ABCC1: variants seen among roughly 807,000 people sequenced by gnomAD.
The protein encoded by ABCC1 is multidrug resistance-associated protein 1.
In ABCC1, 83 loss-of-function variants were observed where a neutral mutation model predicts 172.9. The ratio of observed to expected loss-of-function variants is 0.48; its 90% CI spans 0.40 to 0.58. The LOEUF (loss-of-function observed/expected upper bound fraction) is 0.58. Among genes scored for constraint, ABCC1 ranks in the 20% least tolerant of loss-of-function variants. ABCC1 has a pLI of 0.00. For missense variants in ABCC1, 1,817 were observed against 2,002.7 expected, an observed-to-expected ratio of 0.91 and a Z score of 1.77; for synonymous variants, 937 against 825.2, an observed-to-expected ratio of 1.14 and a Z score of -2.32.
chr16:16,076,700 A>C (rs928165357), intron 15 of ABCC1, among the ~76,000 whole-genome samples: 1 of 152,156 alleles, frequency 6.6e-6, no homozygotes, highest in African/African-American at 2.4e-5. Flanking sequence ...GGGAAGTTCT[A>C]CTTTCAGGTG....
rs1453083288 is a variant in ABCC1, at chr16:16,077,219, C to G, written c.1988+818C>G. Among the ~76,000 whole-genome samples the G allele has an allele frequency of 2.0e-5, 3 of 152,196 alleles. No homozygotes were observed. In the South Asian group the frequency reaches 6.2e-4, roughly 31 times the overall value. On this transcript the variant is annotated intron_variant, in intron 15 of 30. Coordinates refer to ENST00000399410, the MANE Select transcript of ABCC1 (RefSeq NM_004996.4). ...TGATGGGACCCTTTTAGAGGTTTAG[C>G]TCATGCCTGGGTAGCCAAATCACTG...
chr16:16,104,328 T>A (rs2051957948), intron 20 of ABCC1, among the ~76,000 whole-genome samples: 1 of 152,176 alleles, frequency 6.6e-6, no homozygotes, highest in African/African-American at 2.4e-5. Context: ...TTGGTCTGTT[T>A]TTACAGAGTG....
Position 15,953,477 on chromosome 16 carries a change from C to T in ABCC1, c.48+3678C>T, listed in dbSNP as rs761020088. 6.4e-4 allele frequency among the ~76,000 whole-genome samples: 98 copies of T among 152,298 alleles called. 2 individuals are homozygous for T. The highest frequency in any genetic ancestry group is 3.1e-4 in the Non-Finnish European group (21 of 68,028). ...GCTGAGGCAGGTTACGTCATCTCTC[C>T]GTGCCTCAGTTTCCCTATGTGGGAT... On this transcript the variant is annotated intron_variant, in intron 1 of 30. Coordinates refer to ENST00000399410, the MANE Select transcript of ABCC1 (RefSeq NM_004996.4).
At chr16:16,132,941 G>A (rs962838575) in intron 27 of ABCC1, among the ~76,000 whole-genome samples, 8 of 152,132 alleles carry the variant, frequency 5.3e-5, no homozygotes, top group Admixed American at 1.3e-4. Flanking sequence ...ATCCTCCCCC[G>A]CCTGGCTCTT....
chr16:16,065,451 G>A (rs1158962929), intron 12 of ABCC1, among the ~76,000 whole-genome samples: 1 of 151,912 alleles, frequency 6.6e-6, no homozygotes, highest in Non-Finnish European at 1.5e-5. Flanking sequence ...TTGTTGTTTT[G>A]AGACGGAGTC....
intron 23 of ABCC1, among the ~76,000 whole-genome samples, chr16:16,117,574 C>T (rs2044947352): frequency 6.6e-6 from 1 of 152,174 alleles, no homozygotes; most frequent in Admixed American, 6.5e-5. Context: ...CTGGAAAGTG[C>T]CGTGTTTTAG....
At chr16:15,968,627 G>A (rs143794584) in intron 1 of ABCC1, among the ~76,000 whole-genome samples, 92 of 151,968 alleles carry the variant, frequency 6.1e-4, no homozygotes, top group African/African-American at 1.1e-3. Context: ...TCCACCTGCC[G>A]CAGCCTCCCA....
In ABCC1 at chr16:16,036,372, G is replaced by A. The variant is rs1157664365; in HGVS notation, c.678-100G>A. 7 of 1,137,182 alleles carry A rather than the reference G, an allele frequency of 6.2e-6. No homozygotes were observed. The Admixed American group carries it at 1.7e-4, about 27-fold the overall frequency. 70.4% of individuals were successfully genotyped at this position (1,137,182 alleles called of 1,614,324 possible). On this transcript the variant is annotated intron_variant, in intron 6 of 30. Coordinates refer to ENST00000399410, the MANE Select transcript of ABCC1 (RefSeq NM_004996.4). ...TGCAGCGGGCAGCTGTGCTGCAGAG[G>A]GGAGCAGCATCAGCAGGCGTGTGGA...
intron 28 of ABCC1, among the ~76,000 whole-genome samples, chr16:16,134,739 C>G (rs1348375734): frequency 6.7e-6 from 1 of 148,974 alleles, no homozygotes; most frequent in Non-Finnish European, 1.5e-5. Context: ...CAGGCTCAAG[C>G]GATTCTCCCA....
intron 19 of ABCC1, among the ~76,000 whole-genome samples, chr16:16,096,381 G>A (rs2051482978): frequency 6.6e-6 from 1 of 152,054 alleles, no homozygotes; most frequent in Non-Finnish European, 1.5e-5. Context: ...GTATATCTTA[G>A]AGTTTTCTCA....
intron 4 of ABCC1, among the ~76,000 whole-genome samples, chr16:16,016,074 G>A (rs1256641726): frequency 5.3e-5 from 8 of 151,960 alleles, no homozygotes; most frequent in Admixed American, 2.6e-4. Context: ...GGGGGGAGCT[G>A]GGAGCCCCTG....
chr16:15,980,662 C>T lies in ABCC1; in HGVS notation c.49-27154C>T, dbSNP rs184950045. Among the ~76,000 whole-genome samples, 898 of 152,240 alleles carry T rather than the reference C, an allele frequency of 5.9e-3. 11 individuals are homozygous for T. Among genetic ancestry groups the T allele is most frequent in the Middle Eastern group, 0.027 (8 of 294 alleles). ...CAACACATGGGGATTATGAGAACTACAATTCAAGATAAGATTTGGGTGGGG... is the reference window on the plus strand; with the variant it reads ...CAACACATGGGGATTATGAGAACTATAATTCAAGATAAGATTTGGGTGGGG... On this transcript the variant is annotated intron_variant, in intron 1 of 30. Transcript: ENST00000399410.
chr16:16,100,104 A>AG (rs2051659699), intron 19 of ABCC1, among the ~76,000 whole-genome samples: 1 of 152,088 alleles, frequency 6.6e-6, no homozygotes, highest in Non-Finnish European at 1.5e-5. Context: ...AAAAAAAAAA[A>AG]TGCTGAGAGG....
chr16:16,106,976 C>A (rs945400855), intron 21 of ABCC1, 103 bp downstream of exon 21: 7 of 1,456,858 alleles, frequency 4.8e-6, no homozygotes, highest in African/African-American at 2.8e-5. Flanking sequence ...ACTCACCTGT[C>A]CATCACAACA....
intron 1 of ABCC1, among the ~76,000 whole-genome samples, chr16:15,973,672 T>G (rs1329776733): frequency 6.6e-6 from 1 of 152,106 alleles, no homozygotes; most frequent in Non-Finnish European, 1.5e-5. Flanking sequence ...AATCGTGTGA[T>G]GCAGTTTAAA....
At chr16:16,104,111 G>GCC (rs2051934877) in intron 20 of ABCC1, among the ~76,000 whole-genome samples, 1 of 152,150 alleles carries the variant, frequency 6.6e-6, no homozygotes, top group African/African-American at 2.4e-5. Flanking sequence ...TGTAGACCTT[G>GCC]ATGGTGAGTG....
At chr16:15,999,431 C>T (rs1055286739) in intron 1 of ABCC1, among the ~76,000 whole-genome samples, 2 of 151,838 alleles carry the variant, frequency 1.3e-5, no homozygotes, top group Admixed American at 6.6e-5. Flanking sequence ...GCCTGACCAA[C>T]ATGGAGAAAC....
At chr16:16,090,675 C>T in intron 19 of ABCC1, 87 bp downstream of exon 19, 1 of 1,411,468 alleles carries the variant, frequency 7.1e-7, no homozygotes, top group South Asian at 1.5e-5. Flanking sequence ...CCACCAGCCA[C>T]TTGGGGAAGG....
chr16:16,090,122 G>A (rs2051181477), intron 18 of ABCC1, among the ~76,000 whole-genome samples: 1 of 152,094 alleles, frequency 6.6e-6, no homozygotes, highest in Admixed American at 6.6e-5. Context: ...TTTCTCCTGC[G>A]GCCCTGGAAT....
Sources: allele counts gnomAD v4.1 joint callset (sites outside exome capture counted in the v4.1 genomes callset), GRCh38; gene constraint gnomAD v4.1.1; transcripts MANE v1.5; gene names NCBI Gene and HGNC (gene_info 2026-07-23, HGNC 2026-07-21).